Variants in SYT14 observed in about 807,000 individuals in gnomAD.
SYT14 encodes synaptotagmin 14, also known as synaptotagmin-14.
A neutral mutation model predicts 74.2 loss-of-function variants in SYT14; 32 were observed. The observed-to-expected ratio is 0.43, with a 90% CI of 0.33 to 0.58. The LOEUF (loss-of-function observed/expected upper bound fraction) is 0.58, where lower values mean the gene tolerates loss of function less well. Among genes scored for constraint, SYT14 ranks in the 20% least tolerant of loss-of-function variants. The pLI, the probability that SYT14 is intolerant of heterozygous loss-of-function variation, is 0.05. For missense variants in SYT14, 791 were observed against 981.8 expected (o/e 0.81, Z 2.60); for synonymous variants, 298 against 337.7 (o/e 0.88, Z 1.29).
chr1:210,072,180 T>C (rs1242795751), intron 5 of SYT14, among the ~76,000 whole-genome samples: 1 of 151,118 alleles, frequency 6.6e-6, no homozygotes, highest in African/African-American at 2.4e-5. Context: ...AACAGTGATA[T>C]AAACAATTAG....
intron 5 of SYT14, among the ~76,000 whole-genome samples, chr1:210,063,030 T>TG: frequency 6.6e-6 from 1 of 151,272 alleles, no homozygotes; most frequent in East Asian, 1.9e-4. Context: ...AGTTTTTTTT[T>TG]TTTTAACATT....
chr1:209,973,777 A>G (rs1187175700), intron 2 of SYT14, among the ~76,000 whole-genome samples: 2 of 152,186 alleles, frequency 1.3e-5, no homozygotes, highest in Non-Finnish European at 2.9e-5. Context: ...ATCCCTGAGG[A>G]ATTGCCACAC....
At chr1:210,071,427 C>G (rs1294713919) in intron 5 of SYT14, among the ~76,000 whole-genome samples, 2 of 151,856 alleles carry the variant, frequency 1.3e-5, no homozygotes, top group South Asian at 2.1e-4. Flanking sequence ...AAGGACTTGC[C>G]TAGCCACATT....
intron 2 of SYT14, among the ~76,000 whole-genome samples, chr1:210,003,608 C>A (rs1353900882): frequency 6.6e-6 from 1 of 151,924 alleles, no homozygotes; most frequent in Non-Finnish European, 1.5e-5. Flanking sequence ...CCCTCTAGGC[C>A]CTGAAAAAAG....
intron 5 of SYT14, among the ~76,000 whole-genome samples, chr1:210,089,855 T>C (rs1003955875): frequency 2.0e-5 from 3 of 152,202 alleles, no homozygotes; most frequent in African/African-American, 7.2e-5. Context: ...CTAGCATAGA[T>C]TTAAGCATAG....
chr1:210,170,675 C>T (rs1040841045), exon 10 of SYT14: 6 of 151,924 alleles, frequency 3.9e-5, no homozygotes, highest in African/African-American at 1.5e-4. Context: ...AGTCCTAATT[C>T]TTGTCATTGA....
At chr1:210,049,801 C>G (rs2080958093) in intron 5 of SYT14, among the ~76,000 whole-genome samples, 1 of 152,194 alleles carries the variant, frequency 6.6e-6, no homozygotes, top group African/African-American at 2.4e-5. Context: ...ACGGCCCGAG[C>G]TCTGTGGTGG....
At chr1:210,166,360 G>GT (rs1355993491) in exon 10 of SYT14, 1 of 152,310 alleles carries the variant, frequency 6.6e-6, no homozygotes, top group Non-Finnish European at 1.5e-5. Context: ...GAGCTCAGGA[G>GT]TTTAAGACCA....
At chr1:210,149,030 C>T (rs911380453) in intron 7 of SYT14, among the ~76,000 whole-genome samples, 3 of 151,778 alleles carry the variant, frequency 2.0e-5, no homozygotes, top group Admixed American at 6.6e-5. Context: ...TTCAGGAGAC[C>T]ATGAGAAAAG....
At position 210,034,182 on chromosome 1, in the gene SYT14, A is replaced by G. The variant is rs567573804; in HGVS notation, c.1312+12928A>G. Among the ~76,000 whole-genome samples the G allele has an allele frequency of 2.0e-5, 3 of 151,958 alleles. 1 individual carries two copies. In the South Asian group the frequency reaches 6.2e-4, roughly 31 times the overall value. ...ATTTTGAAGATGAGGAAACTGAAGC[A>G]CAATGAGGTTAAGGAACTTAGGTCT... On this transcript the variant is annotated intron_variant, in intron 5 of 9. Coordinates refer to ENST00000637265, the Ensembl canonical transcript of SYT14.
chr1:210,040,224 T>C (rs1011961878), intron 5 of SYT14, among the ~76,000 whole-genome samples: 2 of 152,140 alleles, frequency 1.3e-5, no homozygotes, highest in African/African-American at 4.8e-5. Context: ...TGCAGGGACA[T>C]GGATGAAGCT....
chr1:210,128,470 A>G (rs368432411), intron 7 of SYT14, among the ~76,000 whole-genome samples: 1 of 152,292 alleles, frequency 6.6e-6, no homozygotes, highest in East Asian at 1.9e-4. Flanking sequence ...CAACTCATAT[A>G]CAATATTTAT....
intron 5 of SYT14, among the ~76,000 whole-genome samples, chr1:210,079,295 C>CA (rs1312609756): frequency 6.6e-6 from 1 of 151,716 alleles, no homozygotes; most frequent in East Asian, 1.9e-4. Context: ...AATAGAAGCC[C>CA]AAACCTCACC....
At chr1:210,081,764 C>T (rs560197278) in intron 5 of SYT14, among the ~76,000 whole-genome samples, 25 of 152,312 alleles carry the variant, frequency 1.6e-4, no homozygotes, top group Admixed American at 1.5e-3. Flanking sequence ...TACCCAACTA[C>T]CTAGTATCCA....
intron 5 of SYT14, 97 bp from the exon 5 acceptor site, chr1:210,094,225 T>A: frequency 1.3e-6 from 2 of 1,525,092 alleles, no homozygotes; most frequent in South Asian, 2.3e-5. Flanking sequence ...CCATCAATTT[T>A]TTGATCCAGT....
At chr1:210,059,439 T>TAGAGAGAGAG (rs1394279839) in intron 5 of SYT14, among the ~76,000 whole-genome samples, 86 of 92,722 alleles carry the variant, frequency 9.3e-4, no homozygotes, top group East Asian at 2.0e-3. Flanking sequence ...TATATATATA[T>TAGAGAGAGAG]ATATATATAT....
intron 1 of SYT14, among the ~76,000 whole-genome samples, chr1:209,945,184 T>C (rs1282475333): frequency 2.6e-5 from 4 of 152,166 alleles, no homozygotes. Context: ...GAAAGCTATT[T>C]TCTGTCCTGA....
chr1:210,119,756 A>T (rs2082422519), intron 7 of SYT14, among the ~76,000 whole-genome samples: 1 of 152,208 alleles, frequency 6.6e-6, no homozygotes, highest in Non-Finnish European at 1.5e-5. Context: ...AGTAAAATAC[A>T]CATTTTTAGG....
At chr1:210,156,486 G>T (rs1382660482) in intron 8 of SYT14, among the ~76,000 whole-genome samples, 1 of 151,962 alleles carries the variant, frequency 6.6e-6, no homozygotes, top group East Asian at 1.9e-4. Context: ...GTTTACCCTG[G>T]ATGCTAAGAA....
Sources: gnomAD v4.1 joint callset for allele counts (sites outside exome capture counted in the v4.1 genomes callset) on GRCh38, gnomAD v4.1.1 for gene constraint, MANE v1.5 for transcripts, NCBI Gene and HGNC (gene_info 2026-07-23, HGNC 2026-07-21) for gene names.